Variants in TUBB1 observed in about 807,000 individuals in gnomAD.
The protein encoded by TUBB1 is tubulin beta 1 class VI.
In TUBB1, 28 loss-of-function variants were observed where a neutral mutation model predicts 22.6. The observed-to-expected ratio is 1.24, with a 90% CI of 0.92 to 1.70. TUBB1 has a LOEUF of 1.70. Among genes scored for constraint, TUBB1 ranks in the 40% most tolerant of loss-of-function variants. TUBB1 has a pLI of 0.00. For synonymous variants in TUBB1, 226 were observed against 238.0 expected, an observed-to-expected ratio of 0.95 and a Z score of 0.46; for missense variants, 577 against 605.5, an observed-to-expected ratio of 0.95 and a Z score of 0.49.
rs777571043 is a variant in TUBB1 at position 59,019,571 on chromosome 20, G to A, written c.49G>A (p.Gly17Arg). 1.9e-5 allele frequency: 31 copies of A among 1,614,060 alleles called. No individual in the cohort carries two copies. Among genetic ancestry groups the A allele is most frequent in the Non-Finnish European group, 2.3e-5 (27 of 1,180,030 alleles). The part of the protein sequence containing the change: ...IQIGQCGNQI[G>R]AKFWEMIGEE... ...GATTGGCCAGTGTGGCAACCAGATC[G>A]GAGCCAAGGTAAGTAATGTCTGGTT... Residue 17 changes from glycine to arginine, a missense_variant, in exon 1 of 4, where the codon GGA (glycine) becomes AGA (arginine). Coordinates refer to ENST00000217133, the MANE Select transcript of TUBB1 (RefSeq NM_030773.4).
rs776312618 is a variant in TUBB1, at chr20:59,025,184, G to A, written c.*401G>A. ...ACCCTGGAATCCTCACTTGGTATCC[G>A]AGGGCTACTAAGACTCTTTCCTTAG... On this transcript the variant is annotated 3_prime_UTR_variant, in exon 4 of 4. Coordinates refer to ENST00000217133, the MANE Select transcript of TUBB1 (RefSeq NM_030773.4). 2.3e-5 allele frequency: 7 copies of A among 300,476 alleles called. No individual in the cohort carries two copies. Among genetic ancestry groups the A allele is most frequent in the African/African-American group, 6.5e-5 (3 of 45,804 alleles). The allele number at this position is 300,476 out of a possible 1,614,324, so 18.6% of individuals were successfully genotyped here.
rs2091981974 is a variant in TUBB1 at position 59,024,191 on chromosome 20, T to C, written c.764T>C (p.Val255Ala). ...AACGCAGACCTGCGCAAGCTGGCGG[T>C]GAACATGGTCCCCTTCCCCCGCCTG... ...QLNADLRKLA[V>A]NMVPFPRLHF... Residue 255 changes from valine (V) to alanine (A), a missense_variant, in exon 4 of 4, where the codon GTG (valine) becomes GCG (alanine). Coordinates refer to ENST00000217133, the MANE Select transcript of TUBB1 (RefSeq NM_030773.4). This position sits in a 1 kb window ranked among gnomAD's most constrained non-coding sequence, Gnocchi z 4.9. 6.2e-7 allele frequency: 1 copy of C among 1,614,024 alleles called. No homozygotes were observed. The highest frequency in any genetic ancestry group is 1.3e-5 in the African/African-American group (1 of 74,916).
At chr20:59,018,950 C>G (rs1051274100), upstream of TUBB1, among the ~76,000 whole-genome samples, 1 of 152,174 alleles carries the variant, frequency 6.6e-6, no homozygotes, top group South Asian at 2.1e-4. Flanking sequence ...TGGGGGAGGG[C>G]GGGCAGACAG....
chr20:59,021,168 G>A (rs1009365398), intron 1 of TUBB1, among the ~76,000 whole-genome samples: 1 of 152,212 alleles, frequency 6.6e-6, no homozygotes, highest in African/African-American at 2.4e-5. Flanking sequence ...GGAGGCAGGA[G>A]CCCTGCTGCT....
At position 59,024,789 on chromosome 20, in the gene TUBB1, A is replaced by G; in HGVS notation, c.*6A>G. Reference sequence around the variant, plus strand: ...CAGAAGATAAGGGACATTAACTGTGAGAGAAGCTGTGCCGCGGAGTCGCTT... The same window carrying G: ...CAGAAGATAAGGGACATTAACTGTGGGAGAAGCTGTGCCGCGGAGTCGCTT... On this transcript the variant is annotated 3_prime_UTR_variant, in exon 4 of 4. Coordinates refer to ENST00000217133, the MANE Select transcript of TUBB1 (RefSeq NM_030773.4). The surrounding 1 kb of genome is among the most constrained non-coding windows in gnomAD (Gnocchi z 4.9). The G allele has an allele frequency of 8.1e-6, 13 of 1,613,740 alleles. No homozygotes were observed. Among genetic ancestry groups the G allele is most frequent in the South Asian group, 1.1e-5 (1 of 91,060 alleles).
At position 59,019,561 on chromosome 20, in the gene TUBB1, C is replaced by G. The variant is rs1047276865; in HGVS notation, c.39C>G (p.Gly13=). Residue 13 remains glycine, a synonymous_variant, in exon 1 of 4, where the codon GGC becomes GGG. Coordinates refer to ENST00000217133, the MANE Select transcript of TUBB1 (RefSeq NM_030773.4). ...EIVHIQIGQC[G]NQIGAKFWEM... ...TCCATATTCAGATTGGCCAGTGTGGCAACCAGATCGGAGCCAAGGTAAGTA... is the reference window on the plus strand; with the variant it reads ...TCCATATTCAGATTGGCCAGTGTGGGAACCAGATCGGAGCCAAGGTAAGTA... 1 of 1,614,096 alleles carries G rather than the reference C, an allele frequency of 6.2e-7. No homozygotes were observed. Among genetic ancestry groups the G allele is most frequent in the East Asian group, 2.2e-5 (1 of 44,894 alleles).
At position 59,024,352 on chromosome 20, in the gene TUBB1, CGCT is replaced by C. The variant is rs1568690373; in HGVS notation, c.926_928del (p.Arg309_Tyr310delinsHis). The stretch of plus-strand genomic sequence containing the variant: ...GGCTGCCTGTGACCTCCGCCGTGGC[CGCT>C]ACCTCACAGTGGCCTGCATTTTCCG... On this transcript the variant is annotated inframe_deletion, in exon 4 of 4. Coordinates refer to ENST00000217133, the MANE Select transcript of TUBB1 (RefSeq NM_030773.4). This position sits in a 1 kb window ranked among gnomAD's most constrained non-coding sequence, Gnocchi z 4.9. 1 of 1,614,128 alleles carries C rather than the reference CGCT, an allele frequency of 6.2e-7. No individual in the cohort carries two copies. Among genetic ancestry groups the C allele is most frequent in the Admixed American group, 1.7e-5 (1 of 60,028 alleles).
chr20:59,023,014 G>A, intron 2 of TUBB1, 61 bp downstream of exon 2: 1 of 1,423,360 alleles, frequency 7.0e-7, no homozygotes, highest in East Asian at 2.3e-5. Context: ...GCAGAGGAAG[G>A]GCAGAGGCCC....
In TUBB1 at chr20:59,022,906, C is replaced by T. The variant is rs370292051; in HGVS notation, c.119C>T (p.Ser40Leu). Residue 40 changes from serine to leucine, a missense_variant, in exon 2 of 4, where the codon TCG becomes TTG. Coordinates refer to ENST00000217133, the MANE Select transcript of TUBB1 (RefSeq NM_030773.4). ...IDLAGSDRGASALQLERISVY... is the reference protein window; with the variant it reads ...IDLAGSDRGALALQLERISVY... The stretch of plus-strand genomic sequence containing the variant: ...TTGGCTGGGAGCGACCGCGGGGCCT[C>T]GGCCTTGCAGCTGGAGAGAATCAGC... 15 of 1,613,940 alleles carry T rather than the reference C, an allele frequency of 9.3e-6. No homozygotes were observed. The highest frequency in any genetic ancestry group is 3.3e-5 in the Admixed American group (2 of 59,990).
rs1450438703 is a variant in TUBB1, at chr20:59,023,714, G to A, written c.287G>A (p.Gly96Glu). 5.0e-6 allele frequency: 8 copies of A among 1,614,042 alleles called. No homozygotes were observed. Among genetic ancestry groups the A allele is most frequent in the African/African-American group, 2.7e-5 (2 of 74,910 alleles). The change falls in exon 4 of 4, where the codon GGG becomes GAG. Residue 96 changes from glycine (G) to glutamate (E), a missense_variant. By Grantham distance (98) the Gly-to-Glu change is moderately conservative. Transcript: ENST00000217133. ...QPDSFVHGNSGAGNNWAKGHY... is the reference protein window; with the variant it reads ...QPDSFVHGNSEAGNNWAKGHY... ...CTCTTTTTGGCCACAGGTAACTCTG[G>A]GGCTGGCAACAACTGGGCCAAAGGC...
At position 59,022,025 on chromosome 20, in the gene TUBB1, A is replaced by G. The variant is rs568425989; in HGVS notation, c.58-820A>G. Among the ~76,000 whole-genome samples the G allele has an allele frequency of 2.2e-4, 34 of 151,902 alleles. No homozygotes were observed. The South Asian group carries it at 3.1e-3, about 14-fold the overall frequency. On this transcript the variant is annotated intron_variant, in intron 1 of 3. Coordinates refer to ENST00000217133, the MANE Select transcript of TUBB1 (RefSeq NM_030773.4). ...TAAATAAATAAACAAACAAACAAAC[A>G]AACATAAAAAAATAAAAAAAAGAAA...
At chr20:59,022,316 CAAA>C (rs10590022) in intron 1 of TUBB1, among the ~76,000 whole-genome samples, 26 of 104,328 alleles carry the variant, frequency 2.5e-4, no homozygotes, top group East Asian at 5.0e-4. Flanking sequence ...AAGACTCCAT[CAAA>C]AAAAAAAAAA....
chr20:59,020,427 GC>G (rs1427453696), intron 1 of TUBB1, among the ~76,000 whole-genome samples: 1 of 152,232 alleles, frequency 6.6e-6, no homozygotes, highest in Admixed American at 6.5e-5. Context: ...CAGGTGATGT[GC>G]CCGCCTGGGC....
At chr20:59,016,675 A>C (rs963800122), upstream of TUBB1, among the ~76,000 whole-genome samples, 3 of 152,178 alleles carry the variant, frequency 2.0e-5, no homozygotes, top group Non-Finnish European at 4.4e-5. Context: ...TGTCTATGGA[A>C]ACAGAATGGT....
At chr20:59,023,400 T>C in intron 2 of TUBB1, 90 bp from the exon 3 acceptor site, 1 of 1,195,814 alleles carries the variant, frequency 8.4e-7, no homozygotes, top group South Asian at 1.2e-5. Flanking sequence ...CCATGATTTT[T>C]TTTGGACCAG....
chr20:59,019,959 T>G (rs907765612), intron 1 of TUBB1, among the ~76,000 whole-genome samples: 10 of 152,254 alleles, frequency 6.6e-5, no homozygotes, highest in African/African-American at 2.4e-4. Flanking sequence ...CACTATAGCC[T>G]CAACCTCCTG....
At position 59,024,366 on chromosome 20, in the gene TUBB1, G is replaced by A. The variant is rs1481973321; in HGVS notation, c.939G>A (p.Val313=). ...TCCGCCGTGGCCGCTACCTCACAGTGGCCTGCATTTTCCGGGGCAAGATGT... is the reference window on the plus strand; with the variant it reads ...TCCGCCGTGGCCGCTACCTCACAGTAGCCTGCATTTTCCGGGGCAAGATGT... ...CDLRRGRYLT[V]ACIFRGKMST... The change falls in exon 4 of 4, where the codon GTG becomes GTA. Residue 313 remains valine, a synonymous_variant. Coordinates refer to ENST00000217133, the MANE Select transcript of TUBB1 (RefSeq NM_030773.4). This position sits in a 1 kb window ranked among gnomAD's most constrained non-coding sequence, Gnocchi z 4.9. 6.2e-7 allele frequency: 1 copy of A among 1,614,006 alleles called. No individual in the cohort carries two copies. Among genetic ancestry groups the A allele is most frequent in the Non-Finnish European group, 8.5e-7 (1 of 1,180,038 alleles).
chr20:59,024,552 A>C lies in TUBB1; in HGVS notation c.1125A>C (p.Gln375His). 6.2e-7 allele frequency: 1 copy of C among 1,614,224 alleles called. No individual in the cohort carries two copies. The highest frequency in any genetic ancestry group is 8.5e-7 in the Non-Finnish European group (1 of 1,180,026). Residue 375 changes from glutamine (Q) to histidine (H), a missense_variant, in exon 4 of 4, where the codon CAA becomes CAC. By Grantham distance (24) the Gln-to-His change is conservative. Coordinates refer to ENST00000217133, the MANE Select transcript of TUBB1 (RefSeq NM_030773.4). The surrounding 1 kb of genome is among the most constrained non-coding windows in gnomAD (Gnocchi z 4.9). ...ATFIGNNTAI[Q>H]EIFNRVSEHF... ...TCATTGGCAACAACACGGCCATCCA[A>C]GAGATCTTTAATAGGGTCTCTGAGC...
chr20:59,023,478 T>C lies in TUBB1; in HGVS notation c.167-12T>C. 3 of 1,612,772 alleles carry C rather than the reference T, an allele frequency of 1.9e-6. No homozygotes were observed. Among genetic ancestry groups the C allele is most frequent in the Non-Finnish European group, 2.5e-6 (3 of 1,178,760 alleles). ...AACAAGTAGGCTGACTTTTTCCTAT[T>C]TTTCTACACAGGTAGGAAATATGTG... On this transcript the variant is annotated splice_polypyrimidine_tract_variant and intron_variant, in intron 2 of 3. Coordinates refer to ENST00000217133, the MANE Select transcript of TUBB1 (RefSeq NM_030773.4).
Sources: allele counts gnomAD v4.1 joint callset (sites outside exome capture counted in the v4.1 genomes callset), GRCh38; gene constraint gnomAD v4.1.1; non-coding constraint Gnocchi (gnomAD v3.1); transcripts MANE v1.5; gene names NCBI Gene and HGNC (gene_info 2026-07-23, HGNC 2026-07-21).